Variants in FGGY observed in about 807,000 individuals in gnomAD.
FGGY encodes FGGY carbohydrate kinase domain-containing protein.
Under a neutral mutation model 71.3 loss-of-function variants are expected in FGGY, and 72 were observed. The observed-to-expected ratio is 1.01, with a 90% CI of 0.84 to 1.23. The LOEUF (loss-of-function observed/expected upper bound fraction) is 1.23, where lower values mean the gene tolerates loss of function less well. FGGY is among the 50% of genes most tolerant of loss of function. FGGY has a pLI of 0.00. For missense variants in FGGY, 668 were observed against 682.3 expected, an observed-to-expected ratio of 0.98 and a Z score of 0.23; for synonymous variants, 251 against 250.3, an observed-to-expected ratio of 1.00 and a Z score of -0.02.
chr1:59,694,811 C>T (rs2097642321), intron 14 of FGGY, among the ~76,000 whole-genome samples: 1 of 151,834 alleles, frequency 6.6e-6, no homozygotes, highest in Non-Finnish European at 1.5e-5. Flanking sequence ...GGATGTACTT[C>T]ACAGTACCCA....
chr1:59,378,940 C>T lies in FGGY; in HGVS notation c.554+103C>T, dbSNP rs2059020273. The T allele has an allele frequency of 5.4e-6, 5 of 919,790 alleles. No individual in the cohort carries two copies. In the East Asian group the frequency reaches 7.7e-5, roughly 14 times the overall value. The allele number at this position is 919,790 out of a possible 1,614,324, so 57.0% of individuals were successfully genotyped here. A position where few individuals can be genotyped will look rare whatever the true frequency, so the allele number is the denominator to read the frequency against. ...TCTTTGACTGGATATACTTTTGGTA[C>T]ATCTGCATGTGATTTTGCATACATG... On this transcript the variant is annotated intron_variant, in intron 5 of 15. Coordinates refer to ENST00000303721, the MANE Select transcript of FGGY (RefSeq NM_018291.5).
At chr1:59,626,076 A>C in intron 10 of FGGY, 27 bp downstream of exon 10, 2 of 1,604,390 alleles carry the variant, frequency 1.2e-6, no homozygotes, top group Middle Eastern at 3.3e-4. Flanking sequence ...TTCCCTCTAA[A>C]ATTTTCCTTG....
intron 5 of FGGY, among the ~76,000 whole-genome samples, chr1:59,456,573 C>T (rs1274531748): frequency 2.0e-5 from 3 of 151,866 alleles, no homozygotes; most frequent in Admixed American, 6.6e-5. Context: ...CTCAGCCTCC[C>T]GAGTAGCTGG....
chr1:59,688,091 G>A (rs1421440944), intron 14 of FGGY, among the ~76,000 whole-genome samples: 1 of 152,128 alleles, frequency 6.6e-6, no homozygotes, highest in East Asian at 1.9e-4. Flanking sequence ...TGGCATTGAG[G>A]CCAGGAGCCT....
chr1:59,364,347 C>T (rs2056192246), intron 4 of FGGY, among the ~76,000 whole-genome samples: 1 of 152,234 alleles, frequency 6.6e-6, no homozygotes, highest in Non-Finnish European at 1.5e-5. Flanking sequence ...TCCTGGCAGT[C>T]TGGCTTGCCT....
At chr1:59,350,469 T>C (rs951375079) in intron 4 of FGGY, among the ~76,000 whole-genome samples, 1 of 152,176 alleles carries the variant, frequency 6.6e-6, no homozygotes, top group Non-Finnish European at 1.5e-5. Context: ...AGGTTTTGCC[T>C]AGCAGAGAAG....
chr1:59,407,744 G>A (rs1215032091), intron 5 of FGGY, among the ~76,000 whole-genome samples: 2 of 152,102 alleles, frequency 1.3e-5, no homozygotes, highest in Non-Finnish European at 2.9e-5. Flanking sequence ...CCCTGTGTTG[G>A]CACAGTCCTT....
intron 7 of FGGY, among the ~76,000 whole-genome samples, chr1:59,544,121 G>T (rs1445410573): frequency 6.6e-6 from 1 of 152,106 alleles, no homozygotes; most frequent in Non-Finnish European, 1.5e-5. Context: ...TCTATCCTAG[G>T]TTCATAGCTG....
intron 6 of FGGY, among the ~76,000 whole-genome samples, chr1:59,463,129 A>G (rs2092370262): frequency 1.3e-5 from 2 of 151,264 alleles, no homozygotes; most frequent in African/African-American, 2.5e-5. Flanking sequence ...TATGCAGCCT[A>G]TACACCATGG....
intron 11 of FGGY, among the ~76,000 whole-genome samples, chr1:59,655,621 G>T: frequency 6.6e-6 from 1 of 152,014 alleles, no homozygotes; most frequent in East Asian, 1.9e-4. Context: ...TTTTTTTATG[G>T]CTGTGTAGTA....
intron 4 of FGGY, among the ~76,000 whole-genome samples, chr1:59,369,963 A>G (rs1348472726): frequency 6.6e-6 from 1 of 152,204 alleles, no homozygotes; most frequent in Non-Finnish European, 1.5e-5. Flanking sequence ...AAAGATGGGG[A>G]AAAAACAGAG....
At chr1:59,449,116 G>A (rs1417215420) in intron 5 of FGGY, among the ~76,000 whole-genome samples, 2 of 152,200 alleles carry the variant, frequency 1.3e-5, no homozygotes, top group African/African-American at 2.4e-5. Context: ...CTGAGTTCGA[G>A]TTGCCTTTCT....
chr1:59,654,570 T>C (rs141147165), intron 11 of FGGY, among the ~76,000 whole-genome samples: 42 of 152,322 alleles, frequency 2.8e-4, no homozygotes, highest in African/African-American at 9.6e-4. Context: ...GTATAAACAC[T>C]TCAATTCCTT....
chr1:59,531,843 A>T lies in FGGY; in HGVS notation c.799+19404A>T, dbSNP rs649566. On this transcript the variant is annotated intron_variant, in intron 7 of 15. Transcript: ENST00000303721. ...TTACAAAGGCCAAAGCCTGGGTTTG[A>T]ATTAAATTAACATCTGATTAAATTC... 7.3e-3 allele frequency among the ~76,000 whole-genome samples: 1,117 copies of T among 152,308 alleles called. 20 individuals are homozygous for T. Among genetic ancestry groups the T allele is most frequent in the African/African-American group, 0.026 (1,078 of 41,552 alleles).
chr1:59,545,986 G>A (rs1293796186), intron 7 of FGGY, among the ~76,000 whole-genome samples: 1 of 152,134 alleles, frequency 6.6e-6, no homozygotes, highest in African/African-American at 2.4e-5. Context: ...GTATAGTCAA[G>A]GACAGAAAAC....
At chr1:59,360,123 CATT>C (rs1300459925) in intron 4 of FGGY, among the ~76,000 whole-genome samples, 1 of 101,834 alleles carries the variant, frequency 9.8e-6, no homozygotes, top group Non-Finnish European at 2.0e-5. Flanking sequence ...ATTTTTCTAT[CATT>C]GTTATTATTA....
chr1:59,589,711 C>G (rs1373040298), intron 8 of FGGY, among the ~76,000 whole-genome samples: 1 of 152,120 alleles, frequency 6.6e-6, no homozygotes, highest in East Asian at 1.9e-4. Context: ...GAAATGAAGG[C>G]AGTAATAAAG....
Position 59,333,275 on chromosome 1 carries a change from G to A in FGGY, c.202-6683G>A, listed in dbSNP as rs552625871. ...GTCAGACATGCACTTTCTGGGCACA[G>A]AAGCCAATTGGGCCACATAGCAAGT... On this transcript the variant is annotated intron_variant, in intron 2 of 15. Transcript: ENST00000303721. Among the ~76,000 whole-genome samples, 8 of 152,344 alleles carry A rather than the reference G, an allele frequency of 5.3e-5. No homozygotes were observed. In the East Asian group the frequency reaches 1.5e-3, roughly 29 times the overall value.
intron 13 of FGGY, among the ~76,000 whole-genome samples, chr1:59,672,710 G>C (rs986143245): frequency 6.6e-6 from 1 of 152,206 alleles, no homozygotes; most frequent in Non-Finnish European, 1.5e-5. Context: ...GGGATGTAGA[G>C]AGAGTGTCTT....
Sources: gnomAD v4.1 joint callset for allele counts (sites outside exome capture counted in the v4.1 genomes callset) on GRCh38, gnomAD v4.1.1 for gene constraint, MANE v1.5 for transcripts, NCBI Gene and HGNC (gene_info 2026-07-23, HGNC 2026-07-21) for gene names.